RCBTB2: variants seen among roughly 807,000 people sequenced by gnomAD.
The protein encoded by RCBTB2 is RCC1 and BTB domain-containing protein 2.
In RCBTB2, 55 loss-of-function variants were observed where a neutral mutation model predicts 65.4. The ratio of observed to expected loss-of-function variants is 0.84; its 90% CI spans 0.68 to 1.05. The LOEUF (loss-of-function observed/expected upper bound fraction) is 1.05, where lower values mean the gene tolerates loss of function less well. Among genes scored for constraint, RCBTB2 ranks in the 50% least tolerant of loss-of-function variants. RCBTB2 has a pLI of 0.00. For synonymous variants in RCBTB2, 220 were observed against 255.2 expected, an observed-to-expected ratio of 0.86 and a Z score of 1.31; for missense variants, 599 against 680.1, an observed-to-expected ratio of 0.88 and a Z score of 1.33.
rs59350616 is a variant in RCBTB2 at position 48,525,373 on chromosome 13, GATATATATATATATATATAT to G, written c.-218-636_-218-617del. 3.7e-3 allele frequency among the ~76,000 whole-genome samples: 202 copies of G among 54,530 alleles called. 2 individuals are homozygous for G. The highest frequency in any genetic ancestry group is 0.011 in the Middle Eastern group (1 of 94). The allele number at this position is 54,530 out of a possible 152,430, so 35.8% of individuals were successfully genotyped here. On this transcript the variant is annotated intron_variant, in intron 1 of 14. Transcript: ENST00000344532. The stretch of plus-strand genomic sequence containing the variant: ...ATTCAAAAGTGAGCAAAGGATTCAT[GATATATATATATATATATAT>G]ATATATATATATATATATATATATA...
intron 13 of RCBTB2, among the ~76,000 whole-genome samples, chr13:48,496,541 G>GA (rs1949978336): frequency 6.6e-6 from 1 of 151,748 alleles, no homozygotes; most frequent in Admixed American, 6.6e-5. Context: ...ATTAGCTGTT[G>GA]AAAAACAGGA....
chr13:48,500,120 C>G (rs1426209316), intron 12 of RCBTB2, among the ~76,000 whole-genome samples: 1 of 152,204 alleles, frequency 6.6e-6, no homozygotes, highest in Non-Finnish European at 1.5e-5. Flanking sequence ...GAATGATGTC[C>G]TCTAAAAATT....
intron 1 of RCBTB2, among the ~76,000 whole-genome samples, chr13:48,527,969 A>G (rs1018481711): frequency 9.2e-5 from 14 of 152,334 alleles, no homozygotes; most frequent in African/African-American, 3.4e-4. Context: ...AATCAGTATT[A>G]ATCAGTGTAT....
Position 48,499,492 on chromosome 13 carries a change from G to A in RCBTB2, c.1384+129C>T. Reference sequence around the variant, plus strand: ...AAGTAGTAACAAGGGAAACGTGTTTGGATTCAACACACACAAAAAGAAATA... The same window carrying A: ...AAGTAGTAACAAGGGAAACGTGTTTAGATTCAACACACACAAAAAGAAATA... On this transcript the variant is annotated intron_variant, in intron 13 of 14. Transcript: ENST00000344532. The A allele has an allele frequency of 3.2e-6, 3 of 926,524 alleles. No homozygotes were observed. In the East Asian group the frequency reaches 7.3e-5, roughly 22 times the overall value. The allele number at this position is 926,524 out of a possible 1,614,324, so 57.4% of individuals were successfully genotyped here. A position where few individuals can be genotyped will look rare whatever the true frequency, so the allele number is the denominator to read the frequency against.
At chr13:48,535,776 T>C (rs530816479), upstream of RCBTB2, 76 of 456,668 alleles carry the variant, frequency 1.7e-4, 1 homozygote, top group African/African-American at 1.4e-3. Context: ...CCCTGTCTCT[T>C]GGTTCGTCCA....
chr13:48,498,290 T>C (rs1223541643), intron 13 of RCBTB2, among the ~76,000 whole-genome samples: 1 of 152,226 alleles, frequency 6.6e-6, no homozygotes, highest in Non-Finnish European at 1.5e-5. Context: ...TGAAATTACA[T>C]TTTTCAAGGT....
intron 2 of RCBTB2, 133 bp from the exon 3 acceptor site, chr13:48,522,536 T>C (rs1391533766): frequency 1.2e-5 from 7 of 596,866 alleles, no homozygotes; most frequent in Non-Finnish European, 1.8e-5. Flanking sequence ...CTAAATGTTC[T>C]TGCCTTAATA....
chr13:48,519,550 T>C (rs1951303867), intron 4 of RCBTB2, among the ~76,000 whole-genome samples: 1 of 152,178 alleles, frequency 6.6e-6, no homozygotes, highest in Non-Finnish European at 1.5e-5. Flanking sequence ...TTCCAATGCG[T>C]GTGTTTTCTT....
chr13:48,524,637 T>C (rs1041640026), intron 2 of RCBTB2, 22 bp downstream of exon 2: 2 of 152,220 alleles, frequency 1.3e-5, no homozygotes, highest in Non-Finnish European at 2.9e-5. Context: ...GCTGGGAGCA[T>C]TCCCTCCAAA....
In RCBTB2 at chr13:48,512,252, G is replaced by T. The variant is rs1008301107; in HGVS notation, c.517-78C>A. 13 of 1,286,260 alleles carry T rather than the reference G, an allele frequency of 1.0e-5. No individual in the cohort carries two copies. The East Asian group carries it at 2.8e-4, about 28-fold the overall frequency. 79.7% of individuals were successfully genotyped at this position (1,286,260 alleles called of 1,614,324 possible). A position where few individuals can be genotyped will look rare whatever the true frequency, so the allele number is the denominator to read the frequency against. On this transcript the variant is annotated intron_variant, in intron 7 of 14. Transcript: ENST00000344532. ...AACTGGACACTGACATGTACTTGTGGCACCGAGTCTTTCCTCTCAAAGTGC... is the reference window on the plus strand; with the variant it reads ...AACTGGACACTGACATGTACTTGTGTCACCGAGTCTTTCCTCTCAAAGTGC...
upstream of RCBTB2, among the ~76,000 whole-genome samples, chr13:48,534,702 T>C (rs1952335356): frequency 6.6e-6 from 1 of 152,248 alleles, no homozygotes; most frequent in South Asian, 2.1e-4. Flanking sequence ...CAACAGTTTT[T>C]CCCAGGGCGG....
Position 48,489,655 on chromosome 13 carries a change from G to A in RCBTB2, c.*456C>T, listed in dbSNP as rs973443715. On this transcript the variant is annotated 3_prime_UTR_variant, in exon 15 of 15. Coordinates refer to ENST00000344532, the MANE Select transcript of RCBTB2 (RefSeq NM_001268.4). ...ATTCCATGACTAAAGCTGTTCTCAG[G>A]ACATACTGAAGATTTATAATAAATT... 4 of 156,772 alleles carry A rather than the reference G, an allele frequency of 2.6e-5. No homozygotes were observed. Among genetic ancestry groups the A allele is most frequent in the African/African-American group, 9.6e-5 (4 of 41,486 alleles). The allele number at this position is 156,772 out of a possible 1,614,324, so 9.7% of individuals were successfully genotyped here. A position where few individuals can be genotyped will look rare whatever the true frequency, so the allele number is the denominator to read the frequency against.
intron 6 of RCBTB2, among the ~76,000 whole-genome samples, chr13:48,513,484 A>G (rs1364952875): frequency 1.3e-5 from 2 of 152,142 alleles, no homozygotes; most frequent in Non-Finnish European, 2.9e-5. Context: ...AATAAATGGA[A>G]TCATACAGTT....
rs1566254878 is a variant in RCBTB2 at position 48,493,323 on chromosome 13, T to TCACC, written c.1515+2867_1515+2868insGGTG. ...CACACACACACACACACACTCTCTCTCTCTCTCTCTCTCTCTCTTCTCTTC... is the reference window on the plus strand; with the variant it reads ...CACACACACACACACACACTCTCTCTCACCCTCTCTCTCTCTCTCTCTTCTCTTC... On this transcript the variant is annotated intron_variant, in intron 14 of 14. Coordinates refer to ENST00000344532, the MANE Select transcript of RCBTB2 (RefSeq NM_001268.4). 7.7e-3 allele frequency among the ~76,000 whole-genome samples: 936 copies of TCACC among 121,182 alleles called. 22 individuals are homozygous for TCACC. Among genetic ancestry groups the TCACC allele is most frequent in the African/African-American group, 0.04 (851 of 21,526 alleles). The allele number at this position is 121,182 out of a possible 152,430, so 79.5% of individuals were successfully genotyped here.
At chr13:48,516,679 A>G (rs1951109033) in intron 4 of RCBTB2, among the ~76,000 whole-genome samples, 1 of 152,234 alleles carries the variant, frequency 6.6e-6, no homozygotes, top group Non-Finnish European at 1.5e-5. Context: ...ACTGTGAGGT[A>G]CTGGCTGTAC....
At chr13:48,510,801 C>A (rs372942386) in intron 9 of RCBTB2, 30 bp from the exon 10 acceptor site, 142 of 1,576,528 alleles carry the variant, frequency 9.0e-5, no homozygotes, top group Middle Eastern at 1.7e-4. Context: ...CTCAGGACTG[C>A]AAATATAAGT....
chr13:48,524,935 A>G (rs9331951), intron 1 of RCBTB2, among the ~76,000 whole-genome samples, 178 bp from the exon 2 acceptor site: 2,434 of 152,256 alleles, frequency 0.016, 60 homozygotes, highest in African/African-American at 0.055. Context: ...AAAAATACTA[A>G]AGTTATAAAA....
intron 1 of RCBTB2, among the ~76,000 whole-genome samples, chr13:48,531,548 C>T (rs916331823): frequency 6.6e-6 from 1 of 152,158 alleles, no homozygotes; most frequent in East Asian, 1.9e-4. Flanking sequence ...GGAAAGTGAG[C>T]ATTGAGCATA....
chr13:48,504,428 G>GAGAA, intron 10 of RCBTB2: 4 of 625,762 alleles, frequency 6.4e-6, no homozygotes, highest in South Asian at 7.1e-5. Flanking sequence ...GACCTTCAAT[G>GAGAA]ACTTCATACA....
Sources: gnomAD v4.1 joint callset for allele counts (sites outside exome capture counted in the v4.1 genomes callset) on GRCh38, gnomAD v4.1.1 for gene constraint, MANE v1.5 for transcripts, NCBI Gene and HGNC (gene_info 2026-07-23, HGNC 2026-07-21) for gene names.